KCNMB2: variants seen among roughly 807,000 people sequenced by gnomAD.
KCNMB2 encodes potassium calcium-activated channel subfamily M regulatory beta subunit 2, also known as calcium-activated potassium channel subunit beta-2.
In KCNMB2, 9 loss-of-function variants were observed where a neutral mutation model predicts 24.5. The ratio of observed to expected loss-of-function variants is 0.37; its 90% CI spans 0.22 to 0.64. KCNMB2 has a LOEUF of 0.64. Ranked by LOEUF, KCNMB2 falls within the 30% of genes least tolerant of loss-of-function variation. The probability of loss-of-function intolerance (pLI) is 0.63; values close to 1 mark genes in which losing one functional copy is unlikely to be tolerated. For synonymous variants in KCNMB2, 109 were observed against 104.4 expected (o/e 1.04, Z -0.27); for missense variants, 226 against 284.3 (o/e 0.79, Z 1.47).
At chr3:178,711,452 G>A (rs1403573327) in intron 1 of KCNMB2, among the ~76,000 whole-genome samples, 1 of 151,998 alleles carries the variant, frequency 6.6e-6, no homozygotes, top group Non-Finnish European at 1.5e-5. Flanking sequence ...GACAATCATT[G>A]TGGCCTTGCG....
intron 1 of KCNMB2, among the ~76,000 whole-genome samples, chr3:178,555,137 C>T (rs554782646): frequency 1.3e-5 from 2 of 152,278 alleles, no homozygotes; most frequent in African/African-American, 2.4e-5. Context: ...CCCATGCTAC[C>T]TGCTGCTCAG....
chr3:178,641,343 A>C (rs1286636865), intron 1 of KCNMB2, among the ~76,000 whole-genome samples: 1 of 152,164 alleles, frequency 6.6e-6, no homozygotes, highest in Admixed American at 6.6e-5. Flanking sequence ...CTCTACATTT[A>C]TTTTGATTTT....
intron 1 of KCNMB2, among the ~76,000 whole-genome samples, chr3:178,672,134 A>ATAACAT (rs1720921270): frequency 6.6e-6 from 1 of 152,220 alleles, no homozygotes; most frequent in African/African-American, 2.4e-5. Context: ...CACCCTGGAA[A>ATAACAT]TAACACAAGC....
chr3:178,573,698 G>T (rs1276521741), intron 1 of KCNMB2, among the ~76,000 whole-genome samples: 5 of 134,314 alleles, frequency 3.7e-5, no homozygotes. Context: ...AGTGAACCAT[G>T]ATTGTGCCAC....
chr3:178,651,663 T>G lies in KCNMB2; in HGVS notation c.-68+114952T>G, dbSNP rs959480814. Among the ~76,000 whole-genome samples, 192 of 152,234 alleles carry G rather than the reference T, an allele frequency of 1.3e-3. 2 individuals carry two copies. The highest frequency in any genetic ancestry group is 1.4e-3 in the Admixed American group (22 of 15,286). On this transcript the variant is annotated intron_variant, in intron 1 of 4. Transcript: ENST00000452583. ...GCTGGAGGCATCAAGCTACCTGACT[T>G]CAAACTATACTACAAGGCTACAGTA...
intron 1 of KCNMB2, among the ~76,000 whole-genome samples, chr3:178,586,538 C>CTTTTTTTTTTTTT (rs10677144): frequency 3.5e-4 from 24 of 68,502 alleles, no homozygotes; most frequent in South Asian, 1.3e-3. Flanking sequence ...TTTTTTCTTT[C>CTTTTTTTTTTTTT]TTTTTTTTTT....
chr3:178,771,492 T>TC (rs1286772314), intron 1 of KCNMB2, among the ~76,000 whole-genome samples: 3 of 139,858 alleles, frequency 2.1e-5, no homozygotes, highest in Non-Finnish European at 1.6e-5. Flanking sequence ...TTTTTTTTTT[T>TC]TTTTTTTGAG....
At chr3:178,749,939 C>G (rs985073043) in intron 1 of KCNMB2, among the ~76,000 whole-genome samples, 14 of 152,150 alleles carry the variant, frequency 9.2e-5, no homozygotes, top group African/African-American at 3.4e-4. Flanking sequence ...CCCAGAGTAA[C>G]TATGTAAGAT....
At chr3:178,704,718 A>G (rs1722220377) in intron 1 of KCNMB2, among the ~76,000 whole-genome samples, 1 of 152,196 alleles carries the variant, frequency 6.6e-6, no homozygotes, top group East Asian at 1.9e-4. Flanking sequence ...CATGAGACTC[A>G]AGAGGTTAAC....
chr3:178,728,726 T>C (rs565019118), intron 1 of KCNMB2, among the ~76,000 whole-genome samples: 5 of 152,302 alleles, frequency 3.3e-5, no homozygotes, highest in African/African-American at 1.2e-4. Flanking sequence ...GTTACAATTA[T>C]GCTTCTTCAA....
chr3:178,619,640 G>C (rs1718838152), intron 1 of KCNMB2, among the ~76,000 whole-genome samples: 1 of 152,070 alleles, frequency 6.6e-6, no homozygotes. Context: ...GTCAATCCAT[G>C]ATTATATATG....
chr3:178,810,258 G>A (rs1714133726), intron 2 of KCNMB2, among the ~76,000 whole-genome samples: 1 of 152,160 alleles, frequency 6.6e-6, no homozygotes, highest in Non-Finnish European at 1.5e-5. Context: ...GCCTCAAATT[G>A]CTGGTAATTC....
chr3:178,703,177 T>C (rs943421963), intron 1 of KCNMB2, among the ~76,000 whole-genome samples: 1 of 152,060 alleles, frequency 6.6e-6, no homozygotes, highest in African/African-American at 2.4e-5. Context: ...TGACCAATAA[T>C]ATTAATAACC....
chr3:178,620,047 G>A (rs1718852427), intron 1 of KCNMB2, among the ~76,000 whole-genome samples: 1 of 152,094 alleles, frequency 6.6e-6, no homozygotes, highest in Admixed American at 6.5e-5. Flanking sequence ...CACAATAATG[G>A]TGGAAGATAG....
At chr3:178,805,277 C>T (rs1187770497) in intron 1 of KCNMB2, among the ~76,000 whole-genome samples, 2 of 152,158 alleles carry the variant, frequency 1.3e-5, no homozygotes, top group Non-Finnish European at 2.9e-5. Flanking sequence ...AAACCTAATC[C>T]CAGAAAGTAA....
intron 1 of KCNMB2, chr3:178,757,006 T>C (rs1052004950): frequency 2.0e-5 from 3 of 151,554 alleles, no homozygotes; most frequent in African/African-American, 4.8e-5. Context: ...AAAGTGACAA[T>C]GAAAAAAAAT....
rs1368004819 is a variant in KCNMB2, at chr3:178,650,795, C to G, written c.-68+114084C>G. On this transcript the variant is annotated intron_variant, in intron 1 of 4. Coordinates refer to ENST00000452583, the MANE Select transcript of KCNMB2 (RefSeq NM_181361.3). ...TACGTAATCCATCACATAAACAGAACCAATGGCAAAAACCACACGATTATC... is the reference window on the plus strand; with the variant it reads ...TACGTAATCCATCACATAAACAGAAGCAATGGCAAAAACCACACGATTATC... 2.6e-5 allele frequency among the ~76,000 whole-genome samples: 4 copies of G among 152,086 alleles called. No homozygotes were observed. In the East Asian group the frequency reaches 5.8e-4, roughly 22 times the overall value.
intron 1 of KCNMB2, among the ~76,000 whole-genome samples, chr3:178,802,596 G>A (rs529413451): frequency 2.0e-5 from 3 of 151,994 alleles, no homozygotes; most frequent in South Asian, 2.1e-4. Context: ...CATGTTTCTC[G>A]GCTGCCCATC....
intron 1 of KCNMB2, among the ~76,000 whole-genome samples, chr3:178,654,953 T>C (rs1720267903): frequency 6.6e-6 from 1 of 152,172 alleles, no homozygotes; most frequent in African/African-American, 2.4e-5. Flanking sequence ...TAGTGGTTTC[T>C]ACCTCAGAGA....
Sources: allele counts gnomAD v4.1 joint callset (sites outside exome capture counted in the v4.1 genomes callset), GRCh38; gene constraint gnomAD v4.1.1; transcripts MANE v1.5; gene names NCBI Gene and HGNC (gene_info 2026-07-23, HGNC 2026-07-21).